The following EXT1 variants were observed in gnomAD, a reference collection of about 807,000 sequenced individuals.
The protein encoded by EXT1 is exostosin glycosyltransferase 1.
In EXT1, 20 loss-of-function variants were observed where a neutral mutation model predicts 82.5. That is an observed-to-expected ratio of 0.24 (90% CI 0.17 to 0.35). The LOEUF is 0.35. Ranked by LOEUF, EXT1 falls within the 10% of genes least tolerant of loss-of-function variation. The pLI, the probability that EXT1 is intolerant of heterozygous loss-of-function variation, is 1.00. For missense variants in EXT1, 757 were observed against 936.5 expected (o/e 0.81, Z 2.50); for synonymous variants, 348 against 350.8 (o/e 0.99, Z 0.09).
At chr8:117,851,546 C>T (rs568214722) in intron 1 of EXT1, among the ~76,000 whole-genome samples, 255 of 150,930 alleles carry the variant, frequency 1.7e-3, no homozygotes, top group South Asian at 6.1e-3. Flanking sequence ...TCAGAAGCTG[C>T]TGAAATCCTA....
chr8:117,913,279 C>G (rs1457299038), intron 1 of EXT1, among the ~76,000 whole-genome samples: 3 of 152,034 alleles, frequency 2.0e-5, no homozygotes, highest in Non-Finnish European at 2.9e-5. Context: ...TTCTGGTTCC[C>G]CTAGCTTCCC....
At chr8:117,988,936 T>TAA (rs1358514061) in intron 1 of EXT1, among the ~76,000 whole-genome samples, 1 of 149,912 alleles carries the variant, frequency 6.7e-6, no homozygotes, top group East Asian at 2.0e-4. Context: ...CAACTAAAAA[T>TAA]AAAAAATCTG....
At chr8:117,995,062 T>G (rs753727581) in intron 1 of EXT1, among the ~76,000 whole-genome samples, 3 of 152,236 alleles carry the variant, frequency 2.0e-5, no homozygotes, top group Non-Finnish European at 4.4e-5. Context: ...TGTTTTTGCC[T>G]AACTATGGGT....
intron 1 of EXT1, among the ~76,000 whole-genome samples, chr8:117,898,877 A>G (rs1477930001): frequency 6.6e-6 from 1 of 152,160 alleles, no homozygotes; most frequent in African/African-American, 2.4e-5. Flanking sequence ...TATGACTCCA[A>G]TCAGGTCAGT....
chr8:117,852,550 CT>C (rs981836140), intron 1 of EXT1, among the ~76,000 whole-genome samples: 4 of 152,186 alleles, frequency 2.6e-5, no homozygotes, highest in Non-Finnish European at 4.4e-5. Flanking sequence ...CTTCCTAAGA[CT>C]TTATATGACT....
intron 1 of EXT1, among the ~76,000 whole-genome samples, chr8:118,004,785 A>C (rs17476310): frequency 0.014 from 2,121 of 152,302 alleles, 48 homozygotes; most frequent in African/African-American, 0.048. Flanking sequence ...TGTAATATGC[A>C]AACTGCGTTA....
At chr8:117,940,990 AG>A (rs1229378291) in intron 1 of EXT1, among the ~76,000 whole-genome samples, 1 of 152,214 alleles carries the variant, frequency 6.6e-6, no homozygotes, top group Non-Finnish European at 1.5e-5. Flanking sequence ...CAGATTCCCC[AG>A]GGGTTAAGGC....
intron 1 of EXT1, among the ~76,000 whole-genome samples, chr8:117,910,892 T>G (rs1287886915): frequency 1.3e-5 from 2 of 152,236 alleles, no homozygotes; most frequent in Non-Finnish European, 2.9e-5. Context: ...TGGGTGCCAC[T>G]GGTACATGCA....
intron 1 of EXT1, among the ~76,000 whole-genome samples, chr8:118,018,783 A>G (rs1484233039): frequency 6.6e-6 from 1 of 152,178 alleles, no homozygotes; most frequent in African/African-American, 2.4e-5. Context: ...TCACAATCCC[A>G]AAAGGCTGAA....
intron 7 of EXT1, among the ~76,000 whole-genome samples, chr8:117,814,347 G>C (rs1202122606): frequency 6.6e-6 from 1 of 151,904 alleles, no homozygotes; most frequent in Non-Finnish European, 1.5e-5. Context: ...TTAAACCTTT[G>C]TGTTGAATGT....
In EXT1 at chr8:117,941,960, C is replaced by T. The variant is rs73323916; in HGVS notation, c.963-104759G>A. On this transcript the variant is annotated intron_variant, in intron 1 of 10. Coordinates refer to ENST00000378204, the MANE Select transcript of EXT1 (RefSeq NM_000127.3). ...CAATCCTAGTTCTACAAGTGGAATGCACAGTATCATCCTATTTTCAGATGG... is the reference window on the plus strand; with the variant it reads ...CAATCCTAGTTCTACAAGTGGAATGTACAGTATCATCCTATTTTCAGATGG... Among the ~76,000 whole-genome samples, 959 of 152,258 alleles carry T rather than the reference C, an allele frequency of 6.3e-3. 15 individuals are homozygous for T. The highest frequency in any genetic ancestry group is 0.022 in the African/African-American group (922 of 41,536).
At chr8:117,913,185 AC>A (rs1813685108) in intron 1 of EXT1, among the ~76,000 whole-genome samples, 1 of 152,082 alleles carries the variant, frequency 6.6e-6, no homozygotes, top group Non-Finnish European at 1.5e-5. Context: ...CTGCACCACT[AC>A]CCCCAAGCCT....
chr8:117,859,510 T>C (rs1349171909), intron 1 of EXT1, among the ~76,000 whole-genome samples: 5 of 152,314 alleles, frequency 3.3e-5, no homozygotes, highest in African/African-American at 9.6e-5. Context: ...TGAATCCTTG[T>C]AGGGTAGTGC....
At chr8:118,109,566 T>C (rs1390142842) in intron 1 of EXT1, among the ~76,000 whole-genome samples, 1 of 152,008 alleles carries the variant, frequency 6.6e-6, no homozygotes, top group Non-Finnish European at 1.5e-5. Context: ...AATTTAAACA[T>C]TTCCACGGCT....
At chr8:117,830,123 T>C in intron 4 of EXT1, 107 bp downstream of exon 4, 1 of 1,441,022 alleles carries the variant, frequency 6.9e-7, no homozygotes, top group East Asian at 2.3e-5. Context: ...AGGAATCTGG[T>C]TTTGCCCCAC....
chr8:117,904,163 T>C (rs913630693), intron 1 of EXT1, among the ~76,000 whole-genome samples: 1 of 152,230 alleles, frequency 6.6e-6, no homozygotes, highest in Non-Finnish European at 1.5e-5. Context: ...ACTGGAAACG[T>C]GAGAATAACT....
At chr8:118,090,100 G>A (rs1586267216) in intron 1 of EXT1, among the ~76,000 whole-genome samples, 1 of 152,240 alleles carries the variant, frequency 6.6e-6, no homozygotes, top group Non-Finnish European at 1.5e-5. Context: ...CTATTCTGCA[G>A]AGAAGTGTCA....
intron 1 of EXT1, among the ~76,000 whole-genome samples, chr8:117,983,469 C>G (rs902905085): frequency 2.0e-5 from 3 of 151,920 alleles, no homozygotes; most frequent in African/African-American, 7.3e-5. Flanking sequence ...GGGAGACAGA[C>G]AGATATCTTT....
At chr8:118,095,899 G>A (rs539318873) in intron 1 of EXT1, among the ~76,000 whole-genome samples, 4 of 152,156 alleles carry the variant, frequency 2.6e-5, no homozygotes, top group African/African-American at 4.8e-5. Flanking sequence ...AACAAGCCAC[G>A]ATTTTAAATG....
Sources: gnomAD v4.1 joint callset for allele counts (sites outside exome capture counted in the v4.1 genomes callset) on GRCh38, gnomAD v4.1.1 for gene constraint, MANE v1.5 for transcripts, NCBI Gene and HGNC (gene_info 2026-07-23, HGNC 2026-07-21) for gene names.